The following DLC1 variants were observed in gnomAD, a reference collection of about 807,000 sequenced individuals.
DLC1 encodes the protein DLC1 Rho GTPase activating protein.
In DLC1, 54 loss-of-function variants were observed where a neutral mutation model predicts 140.3. That is an observed-to-expected ratio of 0.38 (90% CI 0.31 to 0.48). The LOEUF (loss-of-function observed/expected upper bound fraction) is 0.48, where lower values mean the gene tolerates loss of function less well. Ranked by LOEUF, DLC1 falls within the 20% of genes least tolerant of loss-of-function variation. The probability of loss-of-function intolerance (pLI) is 0.96; values close to 1 mark genes in which losing one functional copy is unlikely to be tolerated. For synonymous variants in DLC1, 986 were observed against 728.1 expected (o/e 1.35, Z -5.70); for missense variants, 2,536 against 1,907.0 (o/e 1.33, Z -6.14).
At chr8:13,482,854 A>G (rs1051298222) in intron 2 of DLC1, among the ~76,000 whole-genome samples, 5 of 152,216 alleles carry the variant, frequency 3.3e-5, no homozygotes, top group African/African-American at 1.2e-4. Context: ...GCTGCTAAGG[A>G]GAGAATGGTG....
At chr8:13,098,026 G>T (rs918811448) in intron 10 of DLC1, among the ~76,000 whole-genome samples, 1 of 70,872 alleles carries the variant, frequency 1.4e-5, no homozygotes, top group South Asian at 5.7e-4. Flanking sequence ...TCTTCAAAAA[G>T]GAAAAAAGAA....
At chr8:13,387,577 T>C (rs972998808) in intron 4 of DLC1, among the ~76,000 whole-genome samples, 1 of 152,014 alleles carries the variant, frequency 6.6e-6, no homozygotes, top group Non-Finnish European at 1.5e-5. Flanking sequence ...GGATATGTGA[T>C]TGGATTTAGA....
At chr8:13,433,832 A>C (rs1352695834) in intron 2 of DLC1, among the ~76,000 whole-genome samples, 2 of 152,086 alleles carry the variant, frequency 1.3e-5, no homozygotes, top group Admixed American at 1.3e-4. Flanking sequence ...CTAAGGAATC[A>C]TATTTTTGTT....
chr8:13,479,507 T>C (rs1415082556), intron 2 of DLC1, among the ~76,000 whole-genome samples: 1 of 152,234 alleles, frequency 6.6e-6, no homozygotes, highest in Non-Finnish European at 1.5e-5. Flanking sequence ...GGAATATTTC[T>C]GAAGCTGATA....
At chr8:13,142,004 G>C (rs1025609924) in intron 5 of DLC1, among the ~76,000 whole-genome samples, 1 of 152,146 alleles carries the variant, frequency 6.6e-6, no homozygotes, top group African/African-American at 2.4e-5. Context: ...TACGGGGGTG[G>C]TTTCTCCATG....
intron 5 of DLC1, among the ~76,000 whole-genome samples, chr8:13,167,832 C>G (rs900521436): frequency 2.6e-5 from 4 of 152,194 alleles, no homozygotes; most frequent in African/African-American, 9.7e-5. Flanking sequence ...GTATAACTCA[C>G]ATTTGTTATT....
chr8:13,100,801 C>A (rs770437967), intron 8 of DLC1, 31 bp from the exon 9 acceptor site: 24 of 1,525,952 alleles, frequency 1.6e-5, no homozygotes, highest in Non-Finnish European at 2.0e-5. Flanking sequence ...CATTCACACA[C>A]TGGGGCTGGC....
At chr8:13,578,279 A>C (rs1804918392) in intron 1 of DLC1, among the ~76,000 whole-genome samples, 1 of 152,184 alleles carries the variant, frequency 6.6e-6, no homozygotes. Flanking sequence ...TCAGTGAGTC[A>C]CAGCCATTCC....
intron 5 of DLC1, among the ~76,000 whole-genome samples, chr8:13,270,865 G>C (rs1281734363): frequency 1.3e-5 from 2 of 152,128 alleles, no homozygotes; most frequent in Non-Finnish European, 2.9e-5. Context: ...GGAATGCTTA[G>C]TATATGTCAA....
At chr8:13,160,907 C>T (rs961730221) in intron 5 of DLC1, among the ~76,000 whole-genome samples, 2 of 152,106 alleles carry the variant, frequency 1.3e-5, no homozygotes, top group African/African-American at 4.8e-5. Flanking sequence ...CGGTGAAACC[C>T]CGTCTCTACT....
intron 5 of DLC1, among the ~76,000 whole-genome samples, chr8:13,178,207 C>T (rs548711950): frequency 6.6e-6 from 1 of 152,204 alleles, no homozygotes; most frequent in East Asian, 1.9e-4. Context: ...TCACTCCTGA[C>T]CTGGGGATGG....
At chr8:13,477,776 G>A (rs889039759) in intron 2 of DLC1, among the ~76,000 whole-genome samples, 1 of 151,942 alleles carries the variant, frequency 6.6e-6, no homozygotes, top group Non-Finnish European at 1.5e-5. Context: ...ACCAGTCATA[G>A]AGAAATCATA....
intron 2 of DLC1, among the ~76,000 whole-genome samples, chr8:13,473,844 A>T (rs1800318595): frequency 6.6e-6 from 1 of 152,214 alleles, no homozygotes; most frequent in Non-Finnish European, 1.5e-5. Context: ...ATTTCTAAGC[A>T]GCAAAGTATT....
intron 4 of DLC1, among the ~76,000 whole-genome samples, chr8:13,370,776 A>G (rs1266151264): frequency 6.6e-6 from 1 of 152,102 alleles, no homozygotes; most frequent in Non-Finnish European, 1.5e-5. Context: ...CCCAAGCCTC[A>G]TATTCTTGTT....
At chr8:13,494,191 AACG>A (rs1382827265) in intron 2 of DLC1, among the ~76,000 whole-genome samples, 1 of 152,208 alleles carries the variant, frequency 6.6e-6, no homozygotes, top group Admixed American at 6.5e-5. Flanking sequence ...TTTCTTTCAC[AACG>A]TGTCATGATA....
At chr8:13,406,468 C>T (rs976366438) in intron 2 of DLC1, among the ~76,000 whole-genome samples, 2 of 152,168 alleles carry the variant, frequency 1.3e-5, no homozygotes, top group Non-Finnish European at 2.9e-5. Flanking sequence ...TTCTGCCTTA[C>T]TCTAACTTCT....
chr8:13,350,919 C>CT (rs1834628948), intron 4 of DLC1, among the ~76,000 whole-genome samples: 1 of 151,880 alleles, frequency 6.6e-6, no homozygotes, highest in Non-Finnish European at 1.5e-5. Flanking sequence ...AATATTTGTC[C>CT]TTTTGAATAT....
intron 5 of DLC1, among the ~76,000 whole-genome samples, chr8:13,199,041 T>A (rs1157571968): frequency 6.6e-6 from 1 of 151,952 alleles, no homozygotes; most frequent in African/African-American, 2.4e-5. Context: ...GATCACTGAG[T>A]TCCACAAACA....
chr8:13,554,112 G>T (rs140222848), intron 1 of DLC1, among the ~76,000 whole-genome samples: 1 of 152,158 alleles, frequency 6.6e-6, no homozygotes, highest in African/African-American at 2.4e-5. Context: ...TGTGGCCCAG[G>T]TTGGAGTGCA....
Sources: gnomAD v4.1 joint callset for allele counts (sites outside exome capture counted in the v4.1 genomes callset) on GRCh38, gnomAD v4.1.1 for gene constraint, MANE v1.5 for transcripts, NCBI Gene and HGNC (gene_info 2026-07-23, HGNC 2026-07-21) for gene names.